The following AUTS2 variants were observed in gnomAD, a reference collection of about 807,000 sequenced individuals.
AUTS2 encodes activator of transcription and developmental regulator AUTS2, also known as autism susceptibility gene 2 protein.
AUTS2 carries 17 observed loss-of-function variants against 112.4 expected under a neutral mutation model. That is an observed-to-expected ratio of 0.15 (90% confidence interval 0.10 to 0.23). The LOEUF is 0.23. AUTS2 is among the 10% of genes least tolerant of loss of function. AUTS2 has a pLI of 1.00. For synonymous variants in AUTS2, 751 were observed against 702.7 expected (o/e 1.07, Z -1.09); for missense variants, 1,510 against 1,701.6 (o/e 0.89, Z 1.98).
intron 2 of AUTS2, among the ~76,000 whole-genome samples, chr7:70,021,139 C>A (rs1800253684): frequency 6.6e-6 from 1 of 152,112 alleles, no homozygotes; most frequent in South Asian, 2.1e-4. Flanking sequence ...TGCGCCACCA[C>A]ACCTGGCTAA....
chr7:70,053,544 G>GTTTTTTTTTTTTTTTTTT lies in AUTS2; in HGVS notation c.523-64576_523-64575insTTTTTTTTTTTTTTTTTT, dbSNP rs200867539. 7.6e-4 allele frequency among the ~76,000 whole-genome samples: 97 copies of GTTTTTTTTTTTTTTTTTT among 127,792 alleles called. 6 individuals carry two copies. The highest frequency in any genetic ancestry group is 1.9e-3 in the African/African-American group (62 of 32,324). 83.8% of individuals were successfully genotyped at this position (127,792 alleles called of 152,430 possible). The stretch of plus-strand genomic sequence containing the variant: ...ATTGTGGCAACCACTGTTTTGGGTG[G>GTTTTTTTTTTTTTTTTTT]TTTTTTTTTTTTGGAGACAGGATCT... On this transcript the variant is annotated intron_variant, in intron 2 of 18. Coordinates refer to ENST00000342771, the MANE Select transcript of AUTS2 (RefSeq NM_015570.4).
At chr7:70,210,089 C>T (rs1383715716) in intron 4 of AUTS2, among the ~76,000 whole-genome samples, 4 of 152,118 alleles carry the variant, frequency 2.6e-5, no homozygotes, top group African/African-American at 9.7e-5. Context: ...TTCTGTCTCT[C>T]ACCCCAATTT....
intron 2 of AUTS2, among the ~76,000 whole-genome samples, chr7:70,043,559 T>TCCTTCCTC (rs1801343560): frequency 2.0e-5 from 1 of 50,650 alleles, no homozygotes; most frequent in African/African-American, 7.5e-5. Context: ...CTTCCTTCCT[T>TCCTTCCTC]CCTTCCTTCC....
At chr7:69,670,117 C>G (rs1483586047) in intron 1 of AUTS2, among the ~76,000 whole-genome samples, 2 of 152,194 alleles carry the variant, frequency 1.3e-5, no homozygotes, top group Non-Finnish European at 2.9e-5. Context: ...CTTCCACCCC[C>G]AGACTGTATG....
chr7:69,628,200 G>C (rs1268843964), intron 1 of AUTS2, among the ~76,000 whole-genome samples: 1 of 152,166 alleles, frequency 6.6e-6, no homozygotes, highest in African/African-American at 2.4e-5. Flanking sequence ...AGTGTGAGAG[G>C]GTGCAGAGCA....
intron 4 of AUTS2, chr7:70,292,742 T>C (rs1183418555): frequency 1.3e-5 from 2 of 152,174 alleles, no homozygotes; most frequent in Admixed American, 6.5e-5. Context: ...TAAAATGCTT[T>C]GCTAAACAGA....
chr7:70,742,421 C>A (rs1190949949), intron 6 of AUTS2, among the ~76,000 whole-genome samples: 1 of 152,172 alleles, frequency 6.6e-6, no homozygotes, highest in African/African-American at 2.4e-5. Flanking sequence ...CACTTAGGAG[C>A]AGCATAGAGG....
At chr7:69,963,541 T>A (rs1030764412) in intron 2 of AUTS2, among the ~76,000 whole-genome samples, 2 of 152,186 alleles carry the variant, frequency 1.3e-5, no homozygotes, top group African/African-American at 4.8e-5. Flanking sequence ...TCTATAAGTG[T>A]CTTTAGCTGA....
chr7:70,490,151 A>T (rs897667464), intron 5 of AUTS2, among the ~76,000 whole-genome samples: 5 of 152,126 alleles, frequency 3.3e-5, no homozygotes, highest in African/African-American at 1.2e-4. Flanking sequence ...ACCCAATGTG[A>T]GAAGGAAGGA....
At chr7:70,047,790 A>G (rs988889794) in intron 2 of AUTS2, among the ~76,000 whole-genome samples, 1 of 152,166 alleles carries the variant, frequency 6.6e-6, no homozygotes, top group Non-Finnish European at 1.5e-5. Flanking sequence ...TTTTAAGGAA[A>G]TTCTCCAAGT....
chr7:70,442,075 A>G (rs1277864556), intron 5 of AUTS2, among the ~76,000 whole-genome samples: 3 of 152,214 alleles, frequency 2.0e-5, no homozygotes, highest in African/African-American at 7.2e-5. Flanking sequence ...CCTATTTTGT[A>G]GCTAGAAAGG....
intron 5 of AUTS2, among the ~76,000 whole-genome samples, chr7:70,649,764 G>A (rs926679912): frequency 1.3e-4 from 19 of 151,950 alleles, no homozygotes; most frequent in South Asian, 4.2e-4. Context: ...TCTGGACCTC[G>A]TGATTCACCC....
rs1792028169 is a variant in AUTS2 at position 70,792,449 on chromosome 7, A to G, written c.*1453A>G. ...AATTAGTTCCATTTGGTCTTCTAGT[A>G]TATTAAAGTGCTATCTGACGTTGTT... On this transcript the variant is annotated 3_prime_UTR_variant, in exon 19 of 19. Coordinates refer to ENST00000342771, the MANE Select transcript of AUTS2 (RefSeq NM_015570.4). 1 of 151,274 alleles carries G rather than the reference A, an allele frequency of 6.6e-6. No homozygotes were observed. The highest frequency in any genetic ancestry group is 2.1e-4 in the South Asian group (1 of 4,776). 9.4% of individuals were successfully genotyped at this position (151,274 alleles called of 1,614,324 possible). A position where few individuals can be genotyped will look rare whatever the true frequency, so the allele number is the denominator to read the frequency against.
intron 2 of AUTS2, among the ~76,000 whole-genome samples, chr7:70,030,910 T>A (rs1800747286): frequency 6.6e-6 from 1 of 152,146 alleles, no homozygotes; most frequent in Admixed American, 6.6e-5. Context: ...ACTGCATTGT[T>A]GTCTTGGGTT....
Position 69,599,983 on chromosome 7 carries a change from C to G in AUTS2, c.309+21C>G, listed in dbSNP as rs200365777. On this transcript the variant is annotated intron_variant, in intron 1 of 18. Transcript: ENST00000342771. The surrounding 1 kb of genome is among the most constrained non-coding windows in gnomAD (Gnocchi z 7.0). ...TGGAGGTAAGGGGGACCCCCCTTCC[C>G]CCGGGTTCCCTTTATGCACGACCCC... 6.2e-7 allele frequency: 1 copy of G among 1,612,306 alleles called. No homozygotes were observed. The highest frequency in any genetic ancestry group is 1.1e-5 in the South Asian group (1 of 91,006).
chr7:70,629,606 G>A (rs1417987252), intron 5 of AUTS2, among the ~76,000 whole-genome samples: 7 of 152,154 alleles, frequency 4.6e-5, no homozygotes, highest in African/African-American at 1.4e-4. Flanking sequence ...AGGCAGGCGC[G>A]TCTCAGATCA....
intron 2 of AUTS2, among the ~76,000 whole-genome samples, chr7:70,061,781 CTTTTTTT>C (rs777176481): frequency 1.4e-5 from 2 of 140,370 alleles, no homozygotes; most frequent in Non-Finnish European, 3.1e-5. Flanking sequence ...GTTATTTCTT[CTTTTTTT>C]TTTTTTTGCT....
intron 5 of AUTS2, among the ~76,000 whole-genome samples, chr7:70,697,762 T>C (rs528139773): frequency 3.3e-4 from 51 of 152,326 alleles, no homozygotes; most frequent in Middle Eastern, 6.8e-3. Context: ...GTAGTGGAGA[T>C]GCTTAATTTT....
intron 4 of AUTS2, among the ~76,000 whole-genome samples, chr7:70,365,151 T>A (rs901662012): frequency 6.6e-6 from 1 of 152,232 alleles, no homozygotes; most frequent in Non-Finnish European, 1.5e-5. Flanking sequence ...GGTAAAGGAA[T>A]AATTGGTTCA....
Sources: allele counts gnomAD v4.1 joint callset (sites outside exome capture counted in the v4.1 genomes callset), GRCh38; gene constraint gnomAD v4.1.1; non-coding constraint Gnocchi (gnomAD v3.1); transcripts MANE v1.5; gene names NCBI Gene and HGNC (gene_info 2026-07-23, HGNC 2026-07-21).